DAB1: variants seen among roughly 807,000 people sequenced by gnomAD.
DAB1 encodes DAB adaptor protein 1.
DAB1 carries 15 observed loss-of-function variants against 64.6 expected under a neutral mutation model. The ratio of observed to expected loss-of-function variants is 0.23; its 90% confidence interval spans 0.16 to 0.36. The LOEUF is 0.36. DAB1 is among the 10% of genes least tolerant of loss of function. The pLI, the probability that DAB1 is intolerant of heterozygous loss-of-function variation, is 1.00. For synonymous variants in DAB1, 235 were observed against 251.9 expected, an observed-to-expected ratio of 0.93 and a Z score of 0.64; for missense variants, 596 against 706.7, an observed-to-expected ratio of 0.84 and a Z score of 1.78.
At chr1:58,032,878 C>A (rs1646990974) in intron 5 of DAB1, among the ~76,000 whole-genome samples, 2 of 152,318 alleles carry the variant, frequency 1.3e-5, no homozygotes, top group South Asian at 4.1e-4. Context: ...CCTCTCATAG[C>A]CTGGCCCCTG....
chr1:58,257,493 TGA>T (rs1410071565), intron 4 of DAB1, among the ~76,000 whole-genome samples: 2 of 152,284 alleles, frequency 1.3e-5, no homozygotes, highest in African/African-American at 4.8e-5. Context: ...GCCCTGCACC[TGA>T]GGCTGCAATT....
rs562181981 is a variant in DAB1 at position 57,274,135 on chromosome 1, C to T, written c.67+16829G>A. On this transcript the variant is annotated intron_variant, in intron 2 of 14. Coordinates refer to ENST00000371236, the MANE Select transcript of DAB1 (RefSeq NM_001365792.1). ...CTGCTCTGATCCCAGAGAAAATGGACTGATAAAAGAAGATGATTTCAAGGT... is the reference window on the plus strand; with the variant it reads ...CTGCTCTGATCCCAGAGAAAATGGATTGATAAAAGAAGATGATTTCAAGGT... 1.2e-4 allele frequency among the ~76,000 whole-genome samples: 18 copies of T among 152,246 alleles called. 1 individual carries two copies. The South Asian group carries it at 3.7e-3, about 32-fold the overall frequency.
intron 1 of DAB1, among the ~76,000 whole-genome samples, chr1:57,873,518 T>C (rs1459449356): frequency 6.6e-6 from 1 of 152,228 alleles, no homozygotes; most frequent in Non-Finnish European, 1.5e-5. Context: ...ACAAAGCAGG[T>C]GGCATTTAAT....
chr1:58,349,732 G>A (rs1404296244), intron 3 of DAB1, among the ~76,000 whole-genome samples: 1 of 152,104 alleles, frequency 6.6e-6, no homozygotes, highest in African/African-American at 2.4e-5. Context: ...TCTTATGGTA[G>A]TTTGCTGAGA....
intron 9 of DAB1, among the ~76,000 whole-genome samples, chr1:57,049,689 A>T (rs887236360): frequency 2.0e-5 from 3 of 152,020 alleles, no homozygotes; most frequent in Non-Finnish European, 4.4e-5. Flanking sequence ...CACCCACAGC[A>T]GCCCTCACAT....
intron 7 of DAB1, among the ~76,000 whole-genome samples, chr1:57,615,245 C>T (rs938876550): frequency 3.9e-5 from 6 of 152,306 alleles, no homozygotes; most frequent in African/African-American, 1.4e-4. Context: ...TTTTACAGCC[C>T]CTTTGCTGTT....
At chr1:58,153,686 T>A (rs1005374132) in intron 4 of DAB1, among the ~76,000 whole-genome samples, 6 of 151,878 alleles carry the variant, frequency 4.0e-5, no homozygotes, top group African/African-American at 1.5e-4. Context: ...CTCCTTTTGG[T>A]CTCCATTGTC....
At chr1:57,870,761 T>C (rs964215852) in intron 1 of DAB1, among the ~76,000 whole-genome samples, 4 of 152,126 alleles carry the variant, frequency 2.6e-5, no homozygotes, top group African/African-American at 4.8e-5. Context: ...CTGGAATGAA[T>C]GGGGAACAGA....
At chr1:57,182,687 G>A (rs72672680) in intron 2 of DAB1, among the ~76,000 whole-genome samples, 4,957 of 152,174 alleles carry the variant, frequency 0.033, 114 homozygotes, top group Non-Finnish European at 0.051. Context: ...GGCCAGTCTC[G>A]GGGTAAGGAA....
At chr1:57,159,713 G>A (rs2100878424) in intron 2 of DAB1, among the ~76,000 whole-genome samples, 1 of 152,174 alleles carries the variant, frequency 6.6e-6, no homozygotes, top group Admixed American at 6.5e-5. Context: ...TTAAATTTCA[G>A]TCACAGGGCC....
intron 5 of DAB1, among the ~76,000 whole-genome samples, chr1:58,148,872 G>A (rs1051446510): frequency 6.6e-6 from 1 of 152,080 alleles, no homozygotes; most frequent in African/African-American, 2.4e-5. Flanking sequence ...ATATTTGGGT[G>A]GGCACACAGC....
chr1:57,949,801 G>A (rs1645244695), intron 5 of DAB1, among the ~76,000 whole-genome samples: 1 of 152,108 alleles, frequency 6.6e-6, no homozygotes, highest in Non-Finnish European at 1.5e-5. Context: ...AGCTGCAAAA[G>A]TTCCAGTATC....
At chr1:57,978,079 T>C (rs1047632694) in intron 5 of DAB1, among the ~76,000 whole-genome samples, 9 of 152,148 alleles carry the variant, frequency 5.9e-5, no homozygotes, top group Non-Finnish European at 1.0e-4. Flanking sequence ...AAAGTTCATA[T>C]GGAACCGAAA....
rs183479677 is a variant in DAB1 at position 58,286,528 on chromosome 1, A to G, written n.309+56824T>C. 3.2e-3 allele frequency among the ~76,000 whole-genome samples: 494 copies of G among 152,342 alleles called. 1 individual carries two copies. The highest frequency in any genetic ancestry group is 0.011 in the African/African-American group (459 of 41,576). On this transcript the variant is annotated intron_variant and non_coding_transcript_variant, in intron 4 of 20. Transcript: ENST00000485760. ...AAAGGACATGAACAGACACTTCTCA[A>G]AAGAAGACATTTATGCAGCCAACAA...
chr1:58,144,125 G>A (rs766099255), intron 5 of DAB1, among the ~76,000 whole-genome samples: 3 of 152,320 alleles, frequency 2.0e-5, no homozygotes, highest in Middle Eastern at 3.4e-3. Flanking sequence ...CAAGTTCAAT[G>A]AGAAAAGCAA....
At chr1:58,416,183 T>G (rs1644718276) in intron 3 of DAB1, among the ~76,000 whole-genome samples, 1 of 152,148 alleles carries the variant, frequency 6.6e-6, no homozygotes. Context: ...TGTCAGAGCC[T>G]CAATTGTACT....
intron 4 of DAB1, among the ~76,000 whole-genome samples, chr1:57,078,606 T>C (rs1003287358): frequency 6.6e-6 from 1 of 152,206 alleles, no homozygotes; most frequent in East Asian, 1.9e-4. Context: ...ATAAGTATGA[T>C]AATAGTATCT....
chr1:57,168,788 ATTC>A (rs1661448803), intron 2 of DAB1, among the ~76,000 whole-genome samples: 1 of 152,154 alleles, frequency 6.6e-6, no homozygotes, highest in Non-Finnish European at 1.5e-5. Flanking sequence ...GGGTGCAGTG[ATTC>A]ACACCTGTAA....
intron 6 of DAB1, among the ~76,000 whole-genome samples, chr1:57,678,965 G>A (rs4431869): frequency 0.49 from 73,517 of 151,110 alleles, 18,182 homozygotes; most frequent in East Asian, 0.7. Flanking sequence ...TAGAGATGGG[G>A]TTTCACTGTG....
Sources: allele counts gnomAD v4.1 joint callset (sites outside exome capture counted in the v4.1 genomes callset), GRCh38; gene constraint gnomAD v4.1.1; transcripts MANE v1.5; gene names NCBI Gene and HGNC (gene_info 2026-07-23, HGNC 2026-07-21).